TAPT1: variants seen among roughly 807,000 people sequenced by gnomAD.
TAPT1 encodes the protein transmembrane anterior posterior transformation 1, also known as transmembrane anterior posterior transformation protein 1 homolog.
A neutral mutation model predicts 65.6 loss-of-function variants in TAPT1; 28 were observed. That is an observed-to-expected ratio of 0.43 (90% CI 0.32 to 0.59). The LOEUF (loss-of-function observed/expected upper bound fraction) is 0.59, where lower values mean the gene tolerates loss of function less well. TAPT1 is among the 20% of genes least tolerant of loss of function. TAPT1 has a pLI of 0.09. For synonymous variants in TAPT1, 278 were observed against 245.2 expected, an observed-to-expected ratio of 1.13 and a Z score of -1.25; for missense variants, 563 against 679.9, an observed-to-expected ratio of 0.83 and a Z score of 1.91.
chr4:16,190,641 C>A (rs1220818507), intron 4 of TAPT1: 4 of 154,514 alleles, frequency 2.6e-5, no homozygotes, highest in Admixed American at 2.0e-4. Context: ...TGCCGGCCTG[C>A]AATTTGAATT....
chr4:16,221,333 C>T (rs764412163), intron 1 of TAPT1, among the ~76,000 whole-genome samples: 10 of 151,984 alleles, frequency 6.6e-5, no homozygotes, highest in South Asian at 6.2e-4. Context: ...ACCGTGTTGC[C>T]CATACTGGTC....
At chr4:16,195,655 T>C (rs995868534) in intron 3 of TAPT1, among the ~76,000 whole-genome samples, 1 of 152,220 alleles carries the variant, frequency 6.6e-6, no homozygotes, top group African/African-American at 2.4e-5. Context: ...CCATTTCCAT[T>C]GTATTTCTGG....
At chr4:16,209,189 G>A (rs1056219011) in intron 2 of TAPT1, among the ~76,000 whole-genome samples, 4 of 152,036 alleles carry the variant, frequency 2.6e-5, no homozygotes, top group African/African-American at 4.8e-5. Flanking sequence ...AAGCATATAC[G>A]ACAAAATCTC....
At chr4:16,169,391 A>G (rs1469580055) in intron 12 of TAPT1, among the ~76,000 whole-genome samples, 1 of 152,268 alleles carries the variant, frequency 6.6e-6, no homozygotes, top group Non-Finnish European at 1.5e-5. Flanking sequence ...AATTATTCCC[A>G]TTGAGATTAC....
At position 16,163,487 on chromosome 4, in the gene TAPT1, G is replaced by T; in HGVS notation, c.1525C>A (p.His509Asn). ...LSASITKQPIHQKENIIPLLV... is the reference protein window; with the variant it reads ...LSASITKQPINQKENIIPLLV... ...AATGGTATGATATTTTCCTTTTGAT[G>T]AATAGGTTGTTTGGTGATGGAGGCA... The change falls in exon 14 of 14, where the codon CAT becomes AAT. Residue 509 changes from histidine (H) to asparagine (N), a missense_variant. His to Asn is a moderately conservative substitution (Grantham distance 68). Transcript: ENST00000405303. 1.2e-6 allele frequency: 2 copies of T among 1,613,962 alleles called. No individual in the cohort carries two copies. The highest frequency in any genetic ancestry group is 1.7e-6 in the Non-Finnish European group (2 of 1,179,880).
At chr4:16,204,349 T>C (rs1020779767) in intron 2 of TAPT1, among the ~76,000 whole-genome samples, 1 of 152,256 alleles carries the variant, frequency 6.6e-6, no homozygotes, top group Middle Eastern at 3.4e-3. Context: ...TGCAGAAGAG[T>C]ATACGAGTGG....
chr4:16,220,826 T>C (rs1326950939), intron 1 of TAPT1, among the ~76,000 whole-genome samples: 1 of 151,954 alleles, frequency 6.6e-6, no homozygotes, highest in African/African-American at 2.4e-5. Context: ...TTTTGACAAC[T>C]GTGAATTTTC....
In TAPT1 at chr4:16,176,109, A is replaced by G. The variant is rs1205827315; in HGVS notation, c.1107+10T>C. On this transcript the variant is annotated intron_variant, in intron 9 of 13. Coordinates refer to ENST00000405303, the MANE Select transcript of TAPT1 (RefSeq NM_153365.3). ...ACTTTAAACATTGAAGTGCATATCA[A>G]AATACATACATCTGCAGTAATGTCA... 7.3e-7 allele frequency: 1 copy of G among 1,372,588 alleles called. No homozygotes were observed. Among genetic ancestry groups the G allele is most frequent in the Admixed American group, 2.5e-5 (1 of 40,310 alleles). 85.0% of individuals were successfully genotyped at this position (1,372,588 alleles called of 1,614,324 possible).
chr4:16,213,818 T>C lies in TAPT1; in HGVS notation c.280A>G (p.Arg94Gly). The C allele has an allele frequency of 6.2e-7, 1 of 1,607,294 alleles. No homozygotes were observed. Among genetic ancestry groups the C allele is most frequent in the Non-Finnish European group, 8.5e-7 (1 of 1,178,188 alleles). The change falls in exon 2 of 14, where the codon AGA (arginine) becomes GGA (glycine). Residue 94 changes from arginine (R) to glycine (G), a missense_variant. Physicochemically the swap from Arg to Gly is moderately radical, Grantham distance 125. Around this residue, in one of 5 missense-constraint regions of TAPT1, gnomAD observed 217 missense variants for 317.5 expected, o/e 0.68. Coordinates refer to ENST00000405303, the MANE Select transcript of TAPT1 (RefSeq NM_153365.3). The stretch of plus-strand genomic sequence containing the variant: ...AAACAAGTGTATACTCTTTCTCTTC[T>C]TTCTGTATACTTGGCCTCATTATGT... ...LEHNEAKYTE[R>G]RERVYTCLRI...
chr4:16,170,528 T>C (rs1238109832), intron 12 of TAPT1, 125 bp downstream of exon 12: 11 of 593,986 alleles, frequency 1.9e-5, no homozygotes, highest in Non-Finnish European at 3.3e-5. Context: ...CTTGGAGGTA[T>C]AGCTGTTGAA....
chr4:16,223,823 G>T (rs557328701), intron 1 of TAPT1, among the ~76,000 whole-genome samples: 2 of 152,120 alleles, frequency 1.3e-5, no homozygotes, highest in Admixed American at 1.3e-4. Flanking sequence ...TATTCAGATG[G>T]AAAGAGTTTG....
rs144068352 is a variant in TAPT1, at chr4:16,220,916, T to C, written c.199+5343A>G. ...CAATCTTGGCTCACTGTATTTTTTATAGAGACAGGGTTTCACTATGTTGCC... is the reference window on the plus strand; with the variant it reads ...CAATCTTGGCTCACTGTATTTTTTACAGAGACAGGGTTTCACTATGTTGCC... On this transcript the variant is annotated intron_variant, in intron 1 of 13. Coordinates refer to ENST00000405303, the MANE Select transcript of TAPT1 (RefSeq NM_153365.3). 1.8e-3 allele frequency among the ~76,000 whole-genome samples: 273 copies of C among 152,020 alleles called. 5 individuals carry two copies. The East Asian group carries it at 0.045, about 25-fold the overall frequency.
At chr4:16,203,941 T>C (rs574140792) in intron 2 of TAPT1, among the ~76,000 whole-genome samples, 1 of 152,338 alleles carries the variant, frequency 6.6e-6, no homozygotes, top group African/African-American at 2.4e-5. Context: ...TTTAGACTCA[T>C]TATGAACAGC....
chr4:16,220,742 T>C (rs12504884), intron 1 of TAPT1, among the ~76,000 whole-genome samples: 29,443 of 147,648 alleles, frequency 0.2, 3,107 homozygotes, highest in East Asian at 0.3. Flanking sequence ...AGCGAGACTC[T>C]ATCTCAAAAA....
rs759948456 is a variant in TAPT1, at chr4:16,191,438, C to T, written c.535G>A (p.Val179Ile). The change falls in exon 4 of 14, where the codon GTT becomes ATT. Residue 179 changes from valine (V) to isoleucine (I), a missense_variant. This residue lies in a region of TAPT1 where 217 missense variants were observed against 317.5 expected (regional missense o/e 0.68). Coordinates refer to ENST00000405303, the MANE Select transcript of TAPT1 (RefSeq NM_153365.3). ...LVICYFMMHYVDYSMMYHLIR... is the reference protein window; with the variant it reads ...LVICYFMMHYIDYSMMYHLIR... ...AGGTGGTACATCATGGAGTAGTCAA[C>T]ATAGTGCATCATAAAATAGCAGATT... 1 of 1,583,274 alleles carries T rather than the reference C, an allele frequency of 6.3e-7. No individual in the cohort carries two copies. The highest frequency in any genetic ancestry group is 8.6e-7 in the Non-Finnish European group (1 of 1,164,090).
At position 16,163,262 on chromosome 4, in the gene TAPT1, C is replaced by A. The variant is rs116337894; in HGVS notation, c.*46G>T. The A allele has an allele frequency of 8.1e-5, 113 of 1,398,360 alleles. No individual in the cohort carries two copies. The highest frequency in any genetic ancestry group is 1.1e-4 in the Non-Finnish European group (107 of 984,288). 86.6% of individuals were successfully genotyped at this position (1,398,360 alleles called of 1,614,324 possible). ...ATCTATTTGTCCTGGCAACACAGCA[C>A]TTGTTGCCCCAGGACCCAGCTTCTT... On this transcript the variant is annotated 3_prime_UTR_variant, in exon 14 of 14. Coordinates refer to ENST00000405303, the MANE Select transcript of TAPT1 (RefSeq NM_153365.3).
At chr4:16,165,142 C>T (rs190951751) in intron 13 of TAPT1, among the ~76,000 whole-genome samples, 2 of 152,310 alleles carry the variant, frequency 1.3e-5, no homozygotes, top group East Asian at 3.9e-4. Flanking sequence ...GAACCCCCCT[C>T]TCCTGTCCCT....
intron 2 of TAPT1, among the ~76,000 whole-genome samples, chr4:16,207,360 C>A (rs1196378747): frequency 2.0e-5 from 3 of 152,206 alleles, no homozygotes; most frequent in Admixed American, 2.0e-4. Context: ...CATATCCTCA[C>A]ACTGACATAA....
upstream of TAPT1, chr4:16,226,815 C>G (rs1418994709): frequency 6.2e-6 from 1 of 161,830 alleles, no homozygotes; most frequent in Non-Finnish European, 1.3e-5. Context: ...CCGGCAGGAG[C>G]GGGCCGGGGA....
Sources: allele counts gnomAD v4.1 joint callset (sites outside exome capture counted in the v4.1 genomes callset), GRCh38; gene constraint gnomAD v4.1.1; regional missense constraint gnomAD v4.1.1; transcripts MANE v1.5; gene names NCBI Gene and HGNC (gene_info 2026-07-23, HGNC 2026-07-21).